The following DICER1 variants were observed in gnomAD, a reference collection of about 807,000 sequenced individuals.
DICER1 encodes the protein endoribonuclease Dicer.
DICER1 carries 43 observed loss-of-function variants against 194.1 expected under a neutral mutation model. The ratio of observed to expected loss-of-function variants is 0.22; its 90% CI spans 0.17 to 0.29. DICER1 has a LOEUF of 0.29. DICER1 is among the 10% of genes least tolerant of loss of function. The probability of loss-of-function intolerance (pLI) is 1.00; values close to 1 mark genes in which losing one functional copy is unlikely to be tolerated. For synonymous variants in DICER1, 832 were observed against 820.5 expected (o/e 1.01, Z -0.24); for missense variants, 1,608 against 2,317.0 (o/e 0.69, Z 6.28).
intron 6 of DICER1, 74 bp from the exon 7 acceptor site, chr14:95,126,822 C>CAAAAAAAAAAAAAAAGAAAAAAAAAAA: frequency 2.9e-6 from 1 of 342,248 alleles, no homozygotes; most frequent in Non-Finnish European, 4.6e-6. Context: ...TTTCAAAAAG[C>CAAAAAAAAAAAAAAAGAAAAAAAAAAA]AAAAAAAAAA....
intron 7 of DICER1, among the ~76,000 whole-genome samples, chr14:95,125,816 G>C (rs1186728035): frequency 6.9e-6 from 1 of 144,376 alleles, no homozygotes; most frequent in Non-Finnish European, 1.5e-5. Context: ...GAGAAAGAGA[G>C]AGAGAGAGGA....
rs114947750 is a variant in DICER1 at position 95,115,749 on chromosome 14, C to A, written c.1825G>T (p.Asp609Tyr). 3.7e-4 allele frequency: 603 copies of A among 1,614,150 alleles called. 3 individuals are homozygous for A. The African/African-American group carries it at 6.2e-3, about 17-fold the overall frequency. Reference sequence around the variant, plus strand: ...CTCAACACATATGGTGGGAAAACGTCATCATCATCCATGACAGGATCAATG... The same window carrying A: ...CTCAACACATATGGTGGGAAAACGTAATCATCATCCATGACAGGATCAATG... ...TDIDPVMDDD[D>Y]VFPPYVLRPD... is the part of the protein sequence containing the mutation. Residue 609 changes from aspartate to tyrosine, a missense_variant, in exon 11 of 27, where the codon GAC becomes TAC. Physicochemically the swap from Asp to Tyr is radical, Grantham distance 160. This residue lies in a region of DICER1 where 657 missense variants were observed against 910.1 expected (regional missense o/e 0.72). Transcript: ENST00000343455.
intron 24 of DICER1, among the ~76,000 whole-genome samples, chr14:95,092,092 CTTAA>C (rs1889895487): frequency 6.6e-6 from 1 of 152,140 alleles, no homozygotes; most frequent in Non-Finnish European, 1.5e-5. Flanking sequence ...CCAAAAACTA[CTTAA>C]TTACTCGGCC....
At chr14:95,097,720 C>T (rs549000956) in intron 22 of DICER1, among the ~76,000 whole-genome samples, 4 of 152,132 alleles carry the variant, frequency 2.6e-5, no homozygotes, top group Non-Finnish European at 5.9e-5. Context: ...AAAGTTGCAA[C>T]CTTCAAGCAT....
rs773120924 is a variant in DICER1 at position 95,111,452 on chromosome 14, T to C, written c.2121A>G (p.Glu707=). ...CAACTGGCATCAAATGGTCATCCAGTTCGCCTAACAAATTTAAAGAGAGAA... is the reference window on the plus strand; with the variant it reads ...CAACTGGCATCAAATGGTCATCCAGCTCGCCTAACAAATTTAAAGAGAGAA... ...ICCEKLHKIG[E]LDDHLMPVGK... Residue 707 remains glutamate, a synonymous_variant, in exon 14 of 27, where the codon GAA becomes GAG. Transcript: ENST00000343455. 8.1e-6 allele frequency: 13 copies of C among 1,614,130 alleles called. No homozygotes were observed. The highest frequency in any genetic ancestry group is 1.0e-5 in the Non-Finnish European group (12 of 1,179,988).
intron 20 of DICER1, among the ~76,000 whole-genome samples, chr14:95,104,794 T>C (rs181265516): frequency 6.6e-6 from 1 of 152,286 alleles, no homozygotes; most frequent in East Asian, 1.9e-4. Flanking sequence ...CTTTTTAACA[T>C]ATATTTGGAT....
intron 1 of DICER1, chr14:95,137,815 A>G (rs565979844): frequency 6.5e-6 from 1 of 153,858 alleles, no homozygotes; most frequent in East Asian, 1.9e-4. Context: ...ACTTTCTGCT[A>G]TCAGTAAATT....
chr14:95,115,606 G>A, intron 11 of DICER1, 61 bp downstream of exon 11: 1 of 1,571,182 alleles, frequency 6.4e-7, no homozygotes, highest in Non-Finnish European at 8.8e-7. Context: ...AAAATGTACA[G>A]GTTTAGACTT....
Position 95,114,018 on chromosome 14 carries a change from G to A in DICER1, c.1908-794C>T, listed in dbSNP as rs558199477. On this transcript the variant is annotated intron_variant, in intron 11 of 26. Transcript: ENST00000343455. ...GAGGAAATCTAGAATGAAACCTCTA[G>A]TGTCACACTGAAAATAGAGATATCA... Among the ~76,000 whole-genome samples, 3 of 152,338 alleles carry A rather than the reference G, an allele frequency of 2.0e-5. No individual in the cohort carries two copies. The East Asian group carries it at 5.8e-4, about 29-fold the overall frequency.
chr14:95,126,671 A>G lies in DICER1; in HGVS notation c.812T>C (p.Leu271Pro). ...ATTAAGTGCTTCTTCTAATTCCATC[A>G]GCAGTCTTTCATAAAGCCCACTTCT... ...TDRSGLYERLLMELEEALNFI... is the reference protein window; with the variant it reads ...TDRSGLYERLPMELEEALNFI... The change falls in exon 7 of 27, where the codon CTG (leucine) becomes CCG (proline). Residue 271 changes from leucine (L) to proline (P), a missense_variant. Physicochemically the swap from Leu to Pro is moderately conservative, Grantham distance 98. This residue lies in a region of DICER1 where 657 missense variants were observed against 910.1 expected (regional missense o/e 0.72). Transcript: ENST00000343455. 6.3e-7 allele frequency: 1 copy of G among 1,596,672 alleles called. No individual in the cohort carries two copies. Among genetic ancestry groups the G allele is most frequent in the South Asian group, 1.1e-5 (1 of 90,706 alleles).
chr14:95,134,996 A>G (rs755518239), intron 1 of DICER1, among the ~76,000 whole-genome samples: 6 of 152,180 alleles, frequency 3.9e-5, no homozygotes, highest in Admixed American at 6.5e-5. Flanking sequence ...TCCCAAATTC[A>G]GCAAGCCCTC....
At chr14:95,101,031 C>T (rs1425546562) in intron 21 of DICER1, among the ~76,000 whole-genome samples, 1 of 152,168 alleles carries the variant, frequency 6.6e-6, no homozygotes, top group Non-Finnish European at 1.5e-5. Flanking sequence ...AACGTGGACT[C>T]ATGGGAGGGA....
In DICER1 at chr14:95,096,488, C is replaced by T. The variant is rs372496188; in HGVS notation, c.4432G>A (p.Ala1478Thr). Residue 1478 changes from alanine (A) to threonine (T), a missense_variant, in exon 23 of 27, where the codon GCA becomes ACA. Ala to Thr is a moderately conservative substitution (Grantham distance 58). Transcript: ENST00000343455. Reference protein sequence around the residue: ...SLSPFSTTDSAYEWKMPKKSS... With the variant: ...SLSPFSTTDSTYEWKMPKKSS... The stretch of plus-strand genomic sequence containing the variant: ...TTTTTGGGCATTTTCCATTCATATG[C>T]AGAATCAGTGGTTGAAAAAGGAGAA... 2.5e-6 allele frequency: 4 copies of T among 1,614,136 alleles called. No individual in the cohort carries two copies. Among genetic ancestry groups the T allele is most frequent in the African/African-American group, 1.3e-5 (1 of 75,038 alleles).
chr14:95,116,779 C>G (rs2140128847), intron 9 of DICER1, 84 bp from the exon 10 acceptor site: 1 of 1,337,968 alleles, frequency 7.5e-7, no homozygotes, highest in Non-Finnish European at 1.1e-6. Context: ...TAAATGACAA[C>G]TGTCATTTCT....
In DICER1 at chr14:95,112,224, T is replaced by C. The variant is rs1361670595; in HGVS notation, c.2064A>G (p.Arg688=). 6.8e-6 allele frequency: 11 copies of C among 1,613,956 alleles called. No individual in the cohort carries two copies. In the African/African-American group the frequency reaches 9.3e-5, roughly 14 times the overall value. Residue 688 remains arginine (R), a synonymous_variant, in exon 13 of 27, where the codon CGA becomes CGG. Transcript: ENST00000343455. ...TGAGAGCTACAACTCTTTCAGCCAA[T>C]CGTACACAGCTCATTGGTGGACCCT... The part of the protein sequence containing the change: ...SIVGPPMSCV[R]LAERVVALIC...
chr14:95,149,834 GA>G (rs1895396821), intron 1 of DICER1, among the ~76,000 whole-genome samples: 1 of 150,834 alleles, frequency 6.6e-6, no homozygotes, highest in South Asian at 2.1e-4. Flanking sequence ...ACTCAAATTA[GA>G]CACTTTTAAA....
chr14:95,113,694 T>C (rs1004407721), intron 11 of DICER1, among the ~76,000 whole-genome samples: 3 of 152,164 alleles, frequency 2.0e-5, no homozygotes, highest in Non-Finnish European at 4.4e-5. Flanking sequence ...AGCCCAGTGC[T>C]GACACAAAAA....
chr14:95,099,295 T>C (rs1262501790), intron 22 of DICER1, among the ~76,000 whole-genome samples: 1 of 151,580 alleles, frequency 6.6e-6, no homozygotes, highest in Non-Finnish European at 1.5e-5. Flanking sequence ...ACAATCTTTA[T>C]GGATGATTTT....
At chr14:95,123,209 C>T (rs1379446327) in intron 8 of DICER1, among the ~76,000 whole-genome samples, 1 of 152,028 alleles carries the variant, frequency 6.6e-6, no homozygotes, top group Non-Finnish European at 1.5e-5. Context: ...AGTATAGCTC[C>T]CTGGCTGGTT....
Sources: allele counts gnomAD v4.1 joint callset (sites outside exome capture counted in the v4.1 genomes callset), GRCh38; gene constraint gnomAD v4.1.1; regional missense constraint gnomAD v4.1.1; transcripts MANE v1.5; gene names NCBI Gene and HGNC (gene_info 2026-07-23, HGNC 2026-07-21).